The following FSAF1 variants were observed in gnomAD, a reference collection of about 807,000 sequenced individuals.
FSAF1 encodes the protein uncharacterized protein C1orf131.
chr1:231,227,019 T>C, the FSAF1 span: 1 of 1,614,198 alleles, frequency 6.2e-7, no homozygotes, highest in Non-Finnish European at 8.5e-7. Context: ...GATTCTCTCC[T>C]TTCCTTTTCC....
the FSAF1 span, chr1:231,237,300 T>C: frequency 1.3e-5 from 2 of 152,242 alleles, no homozygotes; most frequent in Non-Finnish European, 2.9e-5. Context: ...CATACATTTA[T>C]ACATTCATAA....
At chr1:231,230,911 A>G in the FSAF1 span, among the ~76,000 whole-genome samples, 1 of 152,186 alleles carries the variant, frequency 6.6e-6, no homozygotes, top group African/African-American at 2.4e-5. Context: ...TCTTATTCCT[A>G]ATGGATCTAC....
the FSAF1 span, among the ~76,000 whole-genome samples, chr1:231,229,899 A>C: frequency 6.6e-6 from 1 of 152,188 alleles, no homozygotes; most frequent in Non-Finnish European, 1.5e-5. Flanking sequence ...GCAAGCTGAG[A>C]AGAGTTCTGA....
chr1:231,232,929 C>T, the FSAF1 span, among the ~76,000 whole-genome samples: 2 of 152,122 alleles, frequency 1.3e-5, no homozygotes, highest in Admixed American at 6.5e-5. Context: ...AAAATGCAGA[C>T]GGCTGTATGA....
At chr1:231,226,417 T>C in the FSAF1 span, 1 of 387,016 alleles carries the variant, frequency 2.6e-6, no homozygotes, top group Non-Finnish European at 4.8e-6. Context: ...GCCAGTGCTA[T>C]GCTTTCCATG....
the FSAF1 span, chr1:231,239,230 C>T: frequency 6.7e-7 from 1 of 1,482,110 alleles, no homozygotes; most frequent in Non-Finnish European, 9.0e-7. Context: ...TATTTTCAGT[C>T]TTAGCTATCA....
At chr1:231,224,980 C>T in the FSAF1 span, 1 of 168,004 alleles carries the variant, frequency 6.0e-6, no homozygotes, top group Non-Finnish European at 1.3e-5. Flanking sequence ...TGTACAAGTG[C>T]ACTAGGAGCC....
At chr1:231,240,783 T>C in the FSAF1 span, among the ~76,000 whole-genome samples, 2 of 151,724 alleles carry the variant, frequency 1.3e-5, no homozygotes, top group African/African-American at 4.8e-5. This position sits in a 1 kb window ranked among gnomAD's most constrained non-coding sequence, Gnocchi z 4.1. Flanking sequence ...TACAAGCAAG[T>C]AGGATGGTCC....
At chr1:231,229,685 C>A in the FSAF1 span, among the ~76,000 whole-genome samples, 15 of 152,294 alleles carry the variant, frequency 9.8e-5, no homozygotes, top group East Asian at 1.7e-3. Flanking sequence ...AACTCCTAAC[C>A]CATGCTACAT....
chr1:231,234,308 C>A, the FSAF1 span, among the ~76,000 whole-genome samples: 4 of 152,168 alleles, frequency 2.6e-5, no homozygotes, highest in African/African-American at 9.6e-5. This position sits in a 1 kb window ranked among gnomAD's most constrained non-coding sequence, Gnocchi z 4.0. Flanking sequence ...GAATGATTCA[C>A]GTTAAGATGG....
chr1:231,227,045 A>C, the FSAF1 span: 3 of 1,614,034 alleles, frequency 1.9e-6, no homozygotes, highest in Non-Finnish European at 2.5e-6. Context: ...CCGTGATACC[A>C]AACCGGTGCA....
the FSAF1 span, chr1:231,224,197 GATCT>G: frequency 7.1e-7 from 1 of 1,409,848 alleles, no homozygotes; most frequent in Non-Finnish European, 9.5e-7. Flanking sequence ...TGTTAAGAAC[GATCT>G]ATCTAGAGTC....
chr1:231,226,618 T>C, the FSAF1 span: 1 of 881,810 alleles, frequency 1.1e-6, no homozygotes, highest in East Asian at 2.4e-5. Flanking sequence ...ATGGGGAGCA[T>C]GGGATCCTTT....
chr1:231,238,391 A>T, the FSAF1 span: 2 of 155,878 alleles, frequency 1.3e-5, no homozygotes, highest in African/African-American at 4.8e-5. Context: ...TGTGGCTAGC[A>T]CATAACAGGA....
the FSAF1 span, among the ~76,000 whole-genome samples, chr1:231,235,847 GAC>G: frequency 6.6e-6 from 1 of 152,120 alleles, no homozygotes; most frequent in African/African-American, 2.4e-5. Context: ...GTTCCGAGAT[GAC>G]CCCATGAAAA....
the FSAF1 span, chr1:231,225,660 A>C: frequency 1.5e-5 from 12 of 789,564 alleles, no homozygotes; most frequent in Middle Eastern, 2.5e-4. Flanking sequence ...TAAACATAAC[A>C]GTCTCAAAGT....
At chr1:231,225,671 T>A in the FSAF1 span, 1 of 744,932 alleles carries the variant, frequency 1.3e-6, no homozygotes, top group African/African-American at 1.8e-5. Context: ...GTCTCAAAGT[T>A]TTACCCTAAA....
chr1:231,227,996 C>T, the FSAF1 span, among the ~76,000 whole-genome samples: 1 of 152,138 alleles, frequency 6.6e-6, no homozygotes, highest in African/African-American at 2.4e-5. Flanking sequence ...CTTTAAGATG[C>T]TCTCTAAAAC....
chr1:231,229,028 A>C, the FSAF1 span: 8 of 612,550 alleles, frequency 1.3e-5, no homozygotes, highest in East Asian at 2.5e-4. Context: ...CCTAACATCT[A>C]TACTACATAG....
Sources: gnomAD v4.1 joint callset for allele counts (sites outside exome capture counted in the v4.1 genomes callset) on GRCh38, gnomAD v4.1.1 for gene constraint, Gnocchi (gnomAD v3.1) non-coding constraint, MANE v1.5 for transcripts, NCBI Gene and HGNC (gene_info 2026-07-23, HGNC 2026-07-21) for gene names.